The following SMS variants were observed in gnomAD, a reference collection of about 807,000 sequenced individuals.
SMS encodes the protein spermine synthase, also known as spermidine aminopropyltransferase.
In SMS, 3 loss-of-function variants were observed where a neutral mutation model predicts 33.0. The observed-to-expected ratio is 0.09, with a 90% CI of 0.04 to 0.23. The LOEUF is 0.23. SMS is among the 10% of genes least tolerant of loss of function. SMS has a pLI of 1.00. For synonymous variants in SMS, 103 were observed against 112.2 expected (o/e 0.92, Z 0.52); for missense variants, 117 against 288.6 (o/e 0.41, Z 4.31).
At chrX:21,942,748 A>G (rs1437520906) in intron 1 of SMS, among the ~76,000 whole-genome samples, 2 of 110,014 alleles carry the variant, frequency 1.8e-5, no homozygotes, top group Non-Finnish European at 3.8e-5. Flanking sequence ...CCCAGCTAGT[A>G]AGGGGTGAGT....
At chrX:21,942,997 G>A (rs1921931618) in intron 1 of SMS, among the ~76,000 whole-genome samples, 1 of 109,470 alleles carries the variant, frequency 9.1e-6, no homozygotes, top group Non-Finnish European at 1.9e-5. Flanking sequence ...GAGCCACCAC[G>A]CCCAGCTAAT....
chrX:21,963,715 C>A (rs1162254645), intron 1 of SMS, among the ~76,000 whole-genome samples: 2 of 111,658 alleles, frequency 1.8e-5, no homozygotes, highest in Admixed American at 9.5e-5. Context: ...CCACCCAGGC[C>A]AGGGTCCTCG....
chrX:21,944,418 C>G (rs780653644), intron 1 of SMS, among the ~76,000 whole-genome samples: 1 of 106,128 alleles, frequency 9.4e-6, no homozygotes, highest in South Asian at 4.2e-4. Flanking sequence ...GTGAGAGGCC[C>G]GGCGCGATGC....
chrX:21,942,441 G>A (rs753128687), intron 1 of SMS, among the ~76,000 whole-genome samples: 1 of 111,445 alleles, frequency 9.0e-6, no homozygotes, highest in South Asian at 3.8e-4. Flanking sequence ...ACACCTCTTC[G>A]GGCTTTTACT....
intron 6 of SMS, 110 bp from the exon 7 acceptor site, chrX:21,978,767 G>A: frequency 3.4e-6 from 2 of 580,516 alleles, no homozygotes; most frequent in South Asian, 4.7e-5. Flanking sequence ...TTAAATTTGT[G>A]ATACCCAAGT....
intron 7 of SMS, 43 bp downstream of exon 7, chrX:21,979,009 T>C (rs770777856): frequency 2.2e-6 from 2 of 927,589 alleles, no homozygotes; most frequent in Non-Finnish European, 3.1e-6. Flanking sequence ...GAACTAATAA[T>C]ATAAGTTATT....
At chrX:21,949,780 A>G (rs949838592) in intron 1 of SMS, among the ~76,000 whole-genome samples, 6 of 111,477 alleles carry the variant, frequency 5.4e-5, no homozygotes, top group African/African-American at 2.0e-4. Context: ...AGAGGTGAAT[A>G]TAGAACTGTT....
intron 1 of SMS, 111 bp downstream of exon 1, chrX:21,940,984 C>T (rs1222083265): frequency 7.5e-6 from 2 of 267,559 alleles, no homozygotes; most frequent in Non-Finnish European, 1.0e-5. Flanking sequence ...ATGCGGGCGG[C>T]CCGCGCGGCG....
intron 1 of SMS, among the ~76,000 whole-genome samples, chrX:21,948,064 A>G (rs1922358361): frequency 9.0e-6 from 1 of 111,372 alleles, no homozygotes; most frequent in Non-Finnish European, 1.9e-5. Flanking sequence ...TATGCTCTAT[A>G]TGACTCCAGG....
intron 1 of SMS, among the ~76,000 whole-genome samples, chrX:21,957,941 T>A (rs1222198464): frequency 2.8e-5 from 3 of 107,325 alleles, no homozygotes; most frequent in Non-Finnish European, 5.7e-5. Flanking sequence ...CTTTGCCCAC[T>A]TTTTGATGGG....
At chrX:21,969,846 G>A (rs1309603871) in intron 2 of SMS, among the ~76,000 whole-genome samples, 1 of 112,892 alleles carries the variant, frequency 8.9e-6, no homozygotes, top group Non-Finnish European at 1.9e-5. Flanking sequence ...ACCGAATCTT[G>A]CTCTGTTGCC....
At chrX:21,942,986 C>CGT (rs1228026051) in intron 1 of SMS, among the ~76,000 whole-genome samples, 4 of 109,659 alleles carry the variant, frequency 3.6e-5, no homozygotes, top group Non-Finnish European at 7.6e-5. Flanking sequence ...ATTACAGACT[C>CGT]GAGCCACCAC....
chrX:21,959,041 G>A (rs1923162787), intron 1 of SMS, among the ~76,000 whole-genome samples: 1 of 111,985 alleles, frequency 8.9e-6, no homozygotes, highest in African/African-American at 3.2e-5. Flanking sequence ...TCTGGCTATT[G>A]CATATCATGC....
intron 4 of SMS, among the ~76,000 whole-genome samples, chrX:21,974,685 A>G (rs1924421208): frequency 9.0e-6 from 1 of 111,043 alleles, no homozygotes; most frequent in African/African-American, 3.3e-5. Context: ...CTTTTTTGGT[A>G]TAGGAGTTTT....
chrX:21,971,311 A>G (rs1924143973), intron 2 of SMS, among the ~76,000 whole-genome samples: 1 of 111,950 alleles, frequency 8.9e-6, no homozygotes, highest in Non-Finnish European at 1.9e-5. Flanking sequence ...GGCTGGTCAG[A>G]AAATTTTGTG....
At chrX:21,975,513 T>A (rs1457191968) in intron 4 of SMS, among the ~76,000 whole-genome samples, 1 of 111,124 alleles carries the variant, frequency 9.0e-6, no homozygotes. Flanking sequence ...GACTTTGTCG[T>A]TCATCCAATG....
intron 1 of SMS, among the ~76,000 whole-genome samples, chrX:21,949,722 CT>C: frequency 8.9e-6 from 1 of 111,915 alleles, no homozygotes; most frequent in East Asian, 2.8e-4. Flanking sequence ...TCAAACAAGA[CT>C]TATGTGCCTG....
At chrX:21,981,355 T>G (rs1386836739) in intron 7 of SMS, among the ~76,000 whole-genome samples, 1 of 110,854 alleles carries the variant, frequency 9.0e-6, no homozygotes, top group Non-Finnish European at 1.9e-5. Context: ...TCTTCCCAAT[T>G]TATTATGAGT....
chrX:21,956,823 C>G (rs773643493), intron 1 of SMS, among the ~76,000 whole-genome samples: 34 of 112,431 alleles, frequency 3.0e-4, no homozygotes, highest in Non-Finnish European at 5.3e-4. Flanking sequence ...TCCAGTGATC[C>G]TCCAGCCTCA....
Sources: gnomAD v4.1 joint callset for allele counts (sites outside exome capture counted in the v4.1 genomes callset) on GRCh38, gnomAD v4.1.1 for gene constraint, MANE v1.5 for transcripts, NCBI Gene and HGNC (gene_info 2026-07-23, HGNC 2026-07-21) for gene names.